The following RAF1 variants were observed in gnomAD, a reference collection of about 807,000 sequenced individuals.
RAF1 encodes the protein Raf-1 proto-oncogene, serine/threonine kinase.
A neutral mutation model predicts 81.1 loss-of-function variants in RAF1; 27 were observed. That is an observed-to-expected ratio of 0.33 (90% CI 0.25 to 0.46). The LOEUF (loss-of-function observed/expected upper bound fraction) is 0.46, where lower values mean the gene tolerates loss of function less well. Among genes scored for constraint, RAF1 ranks in the 20% least tolerant of loss-of-function variants. RAF1 has a pLI of 1.00. For synonymous variants in RAF1, 298 were observed against 294.0 expected (o/e 1.01, Z -0.14); for missense variants, 598 against 826.0 (o/e 0.72, Z 3.38).
intron 1 of RAF1, among the ~76,000 whole-genome samples, chr3:12,643,162 T>TAAAAGCACAATATCTAC (rs2060244843): frequency 6.6e-6 from 1 of 152,122 alleles, no homozygotes; most frequent in South Asian, 2.1e-4. Context: ...AAATGTCAGA[T>TAAAAGCACAATATCTAC]AAAAGCACAA....
At chr3:12,638,588 G>C (rs1203362296) in intron 1 of RAF1, among the ~76,000 whole-genome samples, 4 of 152,174 alleles carry the variant, frequency 2.6e-5, no homozygotes, top group Non-Finnish European at 1.5e-5. Context: ...TCCCTTCACA[G>C]TTGTTTTATA....
chr3:12,656,065 C>T (rs935784861), intron 1 of RAF1, among the ~76,000 whole-genome samples: 11 of 148,772 alleles, frequency 7.4e-5, no homozygotes, highest in Non-Finnish European at 1.6e-4. Context: ...ACACACACCC[C>T]ACCCCCAATC....
intron 1 of RAF1, among the ~76,000 whole-genome samples, chr3:12,637,457 GTTTCGACACGT>G (rs1559472180): frequency 6.6e-6 from 1 of 151,700 alleles, no homozygotes. Context: ...TAGAGACAGG[GTTTCGACACGT>G]TGACCAGGCT....
chr3:12,633,793 G>A (rs565628648), intron 1 of RAF1, among the ~76,000 whole-genome samples: 106 of 151,812 alleles, frequency 7.0e-4, no homozygotes, highest in African/African-American at 2.4e-3. Flanking sequence ...AAATTAGCTG[G>A]GTGTGGTGGT....
intron 2 of RAF1, among the ~76,000 whole-genome samples, chr3:12,614,397 T>C (rs775293032): frequency 6.2e-4 from 89 of 144,068 alleles, no homozygotes; most frequent in Admixed American, 2.0e-3. Flanking sequence ...GATTTGTTAT[T>C]TTCTCTACGT....
At chr3:12,599,845 A>G (rs1027546117) in intron 10 of RAF1, 37 bp from the exon 10 acceptor site, 2 of 1,476,928 alleles carry the variant, frequency 1.4e-6, no homozygotes, top group Admixed American at 1.7e-5. Context: ...ACTCCATGCA[A>G]TGGTAATAAT....
Position 12,612,063 on chromosome 3 carries a change from C to CTA in RAF1, c.208-3_208-2dup, listed in dbSNP as rs1435119541. 6.2e-7 allele frequency: 1 copy of CTA among 1,613,556 alleles called. No individual in the cohort carries two copies. Among genetic ancestry groups the CTA allele is most frequent in the East Asian group, 2.2e-5 (1 of 44,870 alleles). On this transcript the variant is annotated splice_acceptor_variant, in intron 2 of 17. Transcript: ENST00000442415. LOFTEE classifies it high-confidence loss of function. ...AGCTCATTCCATTTCGCACATTGAC[C>CTA]TACAAACAAAGGACCACCTTTAGGA... is the stretch of plus-strand genomic sequence containing the variant.
intron 1 of RAF1, among the ~76,000 whole-genome samples, chr3:12,625,629 G>A (rs1233621585): frequency 3.9e-5 from 6 of 152,112 alleles, no homozygotes; most frequent in East Asian, 1.9e-4. Context: ...AGGCAGGACT[G>A]GTTTAAAAAC....
chr3:12,648,195 G>A (rs1266809805), intron 1 of RAF1, among the ~76,000 whole-genome samples: 4 of 147,628 alleles, frequency 2.7e-5, no homozygotes, highest in African/African-American at 5.0e-5. Flanking sequence ...TGTATTCAAA[G>A]TACACCATTA....
chr3:12,618,587 A>G lies in RAF1; in HGVS notation c.135T>C (p.Asp45=). Residue 45 remains aspartate, a synonymous_variant, in exon 2 of 18, where the codon GAT becomes GAC. Transcript: ENST00000442415. Reference sequence around the variant, plus strand: ...TCTTAGAAGGATCTGTGAGTTTGCCATCATCTGATGCCCGGCGCTGATAGC... The same window carrying G: ...TCTTAGAAGGATCTGTGAGTTTGCCGTCATCTGATGCCCGGCGCTGATAGC... The G allele has an allele frequency of 6.2e-7, 1 of 1,614,198 alleles. No individual in the cohort carries two copies. Among genetic ancestry groups the G allele is most frequent in the South Asian group, 1.1e-5 (1 of 91,086 alleles).
intron 13 of RAF1, chr3:12,589,423 G>C (rs771556496): frequency 1.3e-5 from 2 of 152,102 alleles, no homozygotes; most frequent in Admixed American, 6.6e-5. Flanking sequence ...AATTTATGTA[G>C]GACTTGCAAG....
chr3:12,641,050 C>T lies in RAF1; in HGVS notation c.-26-22303G>A, dbSNP rs570991715. 5.2e-3 allele frequency among the ~76,000 whole-genome samples: 793 copies of T among 152,146 alleles called. 3 individuals carry two copies. The highest frequency in any genetic ancestry group is 7.6e-3 in the Non-Finnish European group (514 of 68,012). ...ATGCAGCCATAAAAAAGGATGAGTTCGTGTCCTTTGTAGGGACATGGATAA... is the reference window on the plus strand; with the variant it reads ...ATGCAGCCATAAAAAAGGATGAGTTTGTGTCCTTTGTAGGGACATGGATAA... On this transcript the variant is annotated intron_variant, in intron 1 of 17. Coordinates refer to ENST00000442415, the MANE Select transcript of RAF1 (RefSeq NM_001354689.3).
intron 1 of RAF1, among the ~76,000 whole-genome samples, chr3:12,654,399 C>T (rs1404085515): frequency 6.6e-6 from 1 of 152,054 alleles, no homozygotes; most frequent in Non-Finnish European, 1.5e-5. Context: ...CTCAGCACTT[C>T]GACATCAGCC....
intron 8 of RAF1, among the ~76,000 whole-genome samples, chr3:12,602,356 A>G (rs933729321): frequency 1.1e-4 from 16 of 152,340 alleles, no homozygotes; most frequent in Admixed American, 3.9e-4. Context: ...ATGATTAGGC[A>G]CAACAATTGT....
At chr3:12,655,002 C>CCG (rs1334709545) in intron 1 of RAF1, among the ~76,000 whole-genome samples, 3 of 135,506 alleles carry the variant, frequency 2.2e-5, no homozygotes, top group Non-Finnish European at 4.7e-5. Flanking sequence ...ATAGTGAGAC[C>CCG]CCCCCCCCGC....
intron 17 of RAF1, 53 bp from the exon 17 acceptor site, chr3:12,584,710 T>C (rs1326636382): frequency 6.2e-7 from 1 of 1,613,642 alleles, no homozygotes; most frequent in Non-Finnish European, 8.5e-7. Flanking sequence ...AGACACAGGA[T>C]GTACCCTGCC....
chr3:12,618,751 G>T lies in RAF1; in HGVS notation c.-26-4C>A, dbSNP rs1331458761. 2 of 1,599,032 alleles carry T rather than the reference G, an allele frequency of 1.3e-6. No homozygotes were observed. Among genetic ancestry groups the T allele is most frequent in the Admixed American group, 1.7e-5 (1 of 59,734 alleles). ...GCAGCTTAAACAATTCTTAAACCTG[G>T]TAAGAAACACAAATAATTGTAACTC... On this transcript the variant is annotated splice_polypyrimidine_tract_variant and splice_region_variant and intron_variant, in intron 1 of 17. Coordinates refer to ENST00000442415, the MANE Select transcript of RAF1 (RefSeq NM_001354689.3).
At chr3:12,657,207 A>G (rs1244724331) in intron 1 of RAF1, among the ~76,000 whole-genome samples, 2 of 152,282 alleles carry the variant, frequency 1.3e-5, no homozygotes, top group Admixed American at 1.3e-4. Context: ...AGAAGCAAGA[A>G]TTGTATATAC....
chr3:12,589,608 C>CA (rs1309403534), intron 13 of RAF1: 1 of 152,038 alleles, frequency 6.6e-6, no homozygotes, highest in African/African-American at 2.4e-5. Context: ...CTACAAAATA[C>CA]ACGAAAATTA....
Sources: gnomAD v4.1 joint callset for allele counts (sites outside exome capture counted in the v4.1 genomes callset) on GRCh38, gnomAD v4.1.1 for gene constraint, MANE v1.5 for transcripts, NCBI Gene and HGNC (gene_info 2026-07-23, HGNC 2026-07-21) for gene names.